Variants in ADAMTS19 observed in about 807,000 individuals in gnomAD.
ADAMTS19 encodes the protein A disintegrin and metalloproteinase with thrombospondin motifs 19.
A neutral mutation model predicts 153.3 loss-of-function variants in ADAMTS19; 93 were observed. The observed-to-expected ratio is 0.61, with a 90% CI of 0.51 to 0.72. ADAMTS19 has a LOEUF of 0.72. ADAMTS19 is among the 30% of genes least tolerant of loss of function. The probability of loss-of-function intolerance (pLI) is 0.00; values close to 1 mark genes in which losing one functional copy is unlikely to be tolerated. For missense variants in ADAMTS19, 1,482 were observed against 1,552.1 expected (o/e 0.95, Z 0.76); for synonymous variants, 600 against 556.6 (o/e 1.08, Z -1.10).
chr5:129,613,005 C>T (rs1487135267), intron 8 of ADAMTS19, among the ~76,000 whole-genome samples: 1 of 152,116 alleles, frequency 6.6e-6, no homozygotes, highest in Non-Finnish European at 1.5e-5. Context: ...AATATATATG[C>T]ACCCAATGCA....
At chr5:129,688,599 T>C (rs1755195228) in intron 18 of ADAMTS19, among the ~76,000 whole-genome samples, 1 of 152,222 alleles carries the variant, frequency 6.6e-6, no homozygotes, top group South Asian at 2.1e-4. Context: ...AAATTCTCTC[T>C]TTTAAAAGGA....
intron 16 of ADAMTS19, among the ~76,000 whole-genome samples, chr5:129,671,445 T>C (rs1007319439): frequency 5.9e-5 from 9 of 152,142 alleles, no homozygotes; most frequent in Admixed American, 2.6e-4. Context: ...ACTTGGCAAA[T>C]AGATGCATTT....
intron 2 of ADAMTS19, among the ~76,000 whole-genome samples, chr5:129,490,666 G>A (rs1327555909): frequency 6.6e-6 from 1 of 152,096 alleles, no homozygotes; most frequent in Non-Finnish European, 1.5e-5. Flanking sequence ...GGTAAATAAT[G>A]AGACAAGAGA....
rs1340129386 is a variant in ADAMTS19 at position 129,694,747 on chromosome 5, C to T, written c.2846C>T (p.Thr949Ile). The T allele has an allele frequency of 4.4e-6, 7 of 1,603,836 alleles. No homozygotes were observed. The highest frequency in any genetic ancestry group is 1.7e-5 in the Admixed American group (1 of 58,696). The change falls in exon 19 of 23, where the codon ACA becomes ATA. Residue 949 changes from threonine to isoleucine, a missense_variant. By Grantham distance (89) the Thr-to-Ile change is moderately conservative. Around this residue, in one of 2 missense-constraint regions of ADAMTS19, gnomAD observed 616 missense variants for 724.4 expected, o/e 0.85. Coordinates refer to ENST00000274487, the MANE Select transcript of ADAMTS19 (RefSeq NM_133638.6). ...GAAAGGAAGACAACAGTGTCCTGCA[C>T]AAAAATCATGAGCAAAAATATCAGC... ...GGERKTTVSC[T>I]KIMSKNISIV... is the part of the protein sequence containing the mutation.
At chr5:129,690,318 A>G (rs988230952) in intron 18 of ADAMTS19, among the ~76,000 whole-genome samples, 12 of 152,360 alleles carry the variant, frequency 7.9e-5, no homozygotes, top group Middle Eastern at 3.4e-3. Flanking sequence ...AAATGTTATT[A>G]CTATAGTGTA....
In ADAMTS19 at chr5:129,737,146, C is replaced by T. The variant is rs1561678943; in HGVS notation, c.3570C>T (p.Asp1190=). The part of the protein sequence containing the change: ...RVIREKNLCQ[D]MRWYQRCCET... ...TACGTGAAAAGAACCTATGTCAGGA[C>T]ATGCGGTGGTATCAGCGCTGCTGTG... The change falls in exon 23 of 23, where the codon GAC becomes GAT. Residue 1190 remains aspartate (D), a synonymous_variant. Coordinates refer to ENST00000274487, the MANE Select transcript of ADAMTS19 (RefSeq NM_133638.6). 3 of 1,612,032 alleles carry T rather than the reference C, an allele frequency of 1.9e-6. No homozygotes were observed. The highest frequency in any genetic ancestry group is 1.3e-5 in the African/African-American group (1 of 74,948).
At chr5:129,645,316 A>AT (rs753154833) in intron 11 of ADAMTS19, among the ~76,000 whole-genome samples, 40 of 152,314 alleles carry the variant, frequency 2.6e-4, no homozygotes, top group Admixed American at 4.6e-4. Context: ...AATGATATTT[A>AT]TGGAAAGCAT....
chr5:129,627,713 GATAA>G (rs1257548262), intron 10 of ADAMTS19, among the ~76,000 whole-genome samples: 1 of 151,928 alleles, frequency 6.6e-6, no homozygotes, highest in East Asian at 1.9e-4. Flanking sequence ...CTGATGATTA[GATAA>G]ATACATATCA....
rs529585170 is a variant in ADAMTS19, at chr5:129,578,701, C to T, written c.1373-17858C>T. Among the ~76,000 whole-genome samples the T allele has an allele frequency of 1.1e-4, 16 of 152,092 alleles. No individual in the cohort carries two copies. In the East Asian group the frequency reaches 2.9e-3, roughly 28 times the overall value. ...GTGAGAACATGTGGTATTTGGATTT[C>T]TGTTCCTGTGTTAGTTTACTGAGAA... On this transcript the variant is annotated intron_variant, in intron 7 of 22. Coordinates refer to ENST00000274487, the MANE Select transcript of ADAMTS19 (RefSeq NM_133638.6).
intron 6 of ADAMTS19, among the ~76,000 whole-genome samples, chr5:129,547,719 C>T (rs1337481403): frequency 6.6e-6 from 1 of 150,570 alleles, no homozygotes; most frequent in Non-Finnish European, 1.5e-5. Context: ...ATTGCCAAGC[C>T]AATCCTAAGC....
chr5:129,492,304 A>T (rs1194817452), intron 2 of ADAMTS19, among the ~76,000 whole-genome samples: 1 of 152,154 alleles, frequency 6.6e-6, no homozygotes, highest in Non-Finnish European at 1.5e-5. Context: ...TGACCCCATG[A>T]TCCAGTTGCC....
Position 129,528,808 on chromosome 5 carries a change from T to A in ADAMTS19, c.1328+131T>A, listed in dbSNP as rs915804056. On this transcript the variant is annotated intron_variant, in intron 6 of 22. Coordinates refer to ENST00000274487, the MANE Select transcript of ADAMTS19 (RefSeq NM_133638.6). ...CAAGAGTGATTTTGGCATAATGATG[T>A]TAGTCATCTCCCTCAAATCATAATA... is the stretch of plus-strand genomic sequence containing the variant. The A allele has an allele frequency of 1.1e-4, 72 of 643,450 alleles. No homozygotes were observed. In the African/African-American group the frequency reaches 1.3e-3, roughly 12 times the overall value. 39.9% of individuals were successfully genotyped at this position (643,450 alleles called of 1,614,324 possible).
At chr5:129,577,687 G>T (rs1749215405) in intron 7 of ADAMTS19, among the ~76,000 whole-genome samples, 1 of 152,050 alleles carries the variant, frequency 6.6e-6, no homozygotes, top group African/African-American at 2.4e-5. Flanking sequence ...AGCCAAGGTA[G>T]CTGGAATTGA....
At chr5:129,602,494 A>G (rs1271223948) in intron 8 of ADAMTS19, among the ~76,000 whole-genome samples, 1 of 152,212 alleles carries the variant, frequency 6.6e-6, no homozygotes, top group Non-Finnish European at 1.5e-5. Context: ...TTTGCTAAAT[A>G]CTATGTATTC....
chr5:129,498,077 G>A (rs1388648833), intron 2 of ADAMTS19, among the ~76,000 whole-genome samples: 1 of 151,930 alleles, frequency 6.6e-6, no homozygotes, highest in African/African-American at 2.4e-5. Flanking sequence ...TGCCATCATT[G>A]TTTATGTATG....
At chr5:129,620,532 A>T in intron 8 of ADAMTS19, 86 bp from the exon 9 acceptor site, 1 of 989,442 alleles carries the variant, frequency 1.0e-6, no homozygotes, top group Non-Finnish European at 1.3e-6. Context: ...TAAGTATTTT[A>T]ACCGTTATTT....
At chr5:129,667,724 A>G (rs898265869) in intron 16 of ADAMTS19, among the ~76,000 whole-genome samples, 1 of 152,024 alleles carries the variant, frequency 6.6e-6, no homozygotes, top group Non-Finnish European at 1.5e-5. Flanking sequence ...CATACTTCCT[A>G]TACAGCCCAC....
rs1243700136 is a variant in ADAMTS19, at chr5:129,496,906, TAACTC to T, written c.748-12167_748-12163del. On this transcript the variant is annotated intron_variant, in intron 2 of 22. Transcript: ENST00000274487. Reference sequence around the variant, plus strand: ...AGTTAATAGATTTAAATTCTTCTCTTAACTCAACAATATGGAACATGTAAAATTTT... The same window carrying T: ...AGTTAATAGATTTAAATTCTTCTCTTAACAATATGGAACATGTAAAATTTT... Among the ~76,000 whole-genome samples, 19 of 152,238 alleles carry T rather than the reference TAACTC, an allele frequency of 1.2e-4. No individual in the cohort carries two copies. The South Asian group carries it at 3.3e-3, about 27-fold the overall frequency.
intron 3 of ADAMTS19, among the ~76,000 whole-genome samples, chr5:129,509,726 G>A (rs999412972): frequency 8.6e-5 from 13 of 151,956 alleles, no homozygotes; most frequent in Non-Finnish European, 1.3e-4. Flanking sequence ...GAAGAGTAAA[G>A]ATTTATACGT....
Sources: gnomAD v4.1 joint callset for allele counts (sites outside exome capture counted in the v4.1 genomes callset) on GRCh38, gnomAD v4.1.1 for gene constraint, gnomAD v4.1.1 regional missense constraint, MANE v1.5 for transcripts, NCBI Gene and HGNC (gene_info 2026-07-23, HGNC 2026-07-21) for gene names.